Variants in CDH11 observed in about 807,000 individuals in gnomAD.
The protein encoded by CDH11 is cadherin-11.
Under a neutral mutation model 67.8 loss-of-function variants are expected in CDH11, and 11 were observed. The ratio of observed to expected loss-of-function variants is 0.16; its 90% CI spans 0.10 to 0.27. The LOEUF (loss-of-function observed/expected upper bound fraction) is 0.27, where lower values mean the gene tolerates loss of function less well. CDH11 is among the 10% of genes least tolerant of loss of function. The pLI is 1.00. For missense variants in CDH11, 847 were observed against 1,031.2 expected, an observed-to-expected ratio of 0.82 and a Z score of 2.45; for synonymous variants, 419 against 400.0, an observed-to-expected ratio of 1.05 and a Z score of -0.57.
chr16:64,973,677 C>T (rs920636782), intron 8 of CDH11, among the ~76,000 whole-genome samples: 1 of 152,026 alleles, frequency 6.6e-6, no homozygotes, highest in African/African-American at 2.4e-5. Flanking sequence ...GATGGTGGCA[C>T]ACACCTATAA....
chr16:65,030,374 T>G (rs541327476), intron 2 of CDH11, among the ~76,000 whole-genome samples: 1 of 152,364 alleles, frequency 6.6e-6, no homozygotes, highest in South Asian at 2.1e-4. Flanking sequence ...GCAACTCTAC[T>G]TGAAATGCAT....
intron 4 of CDH11, among the ~76,000 whole-genome samples, chr16:64,996,438 C>T (rs540084147): frequency 2.0e-5 from 3 of 148,258 alleles, no homozygotes; most frequent in Non-Finnish European, 4.4e-5. Flanking sequence ...TGCAGTGAGC[C>T]GAGATCGTGC....
intron 1 of CDH11, among the ~76,000 whole-genome samples, chr16:65,075,104 G>A (rs908280288): frequency 2.6e-5 from 4 of 152,314 alleles, no homozygotes; most frequent in East Asian, 1.9e-4. Flanking sequence ...ATGGCTGGTC[G>A]TCTGCTCATC....
At chr16:65,094,133 A>C (rs528844750) in intron 1 of CDH11, among the ~76,000 whole-genome samples, 1 of 152,338 alleles carries the variant, frequency 6.6e-6, no homozygotes. Context: ...GATTTAAACA[A>C]AGGGAAGTTT....
intron 2 of CDH11, 43 bp downstream of exon 2, chr16:65,053,761 C>G (rs1184124685): frequency 2.2e-6 from 1 of 453,934 alleles, no homozygotes; most frequent in Non-Finnish European, 4.4e-6. Flanking sequence ...TCTTGACATA[C>G]ATAGTAATAT....
chr16:65,098,997 C>T (rs2074945020), intron 1 of CDH11, among the ~76,000 whole-genome samples: 3 of 152,168 alleles, frequency 2.0e-5, no homozygotes, highest in Admixed American at 2.0e-4. Flanking sequence ...CCTGAAATTA[C>T]AGATGTGCTT....
chr16:65,009,956 C>T (rs143415839), intron 2 of CDH11, among the ~76,000 whole-genome samples: 1 of 152,232 alleles, frequency 6.6e-6, no homozygotes, highest in East Asian at 1.9e-4. Flanking sequence ...CTTTTGTCTC[C>T]GTTAAAGAAA....
Position 64,945,288 on chromosome 16 carries a change from A to C in CDH11, c.*2315T>G. The stretch of plus-strand genomic sequence containing the variant: ...TTCTACAAACAATAGAGGCTTAACG[A>C]AAAAATAAAAGGTAAAAAAAAAAAA... On this transcript the variant is annotated 3_prime_UTR_variant, in exon 13 of 13. Transcript: ENST00000268603. The C allele has an allele frequency of 1.9e-6, 1 of 534,034 alleles. No individual in the cohort carries two copies. The highest frequency in any genetic ancestry group is 2.4e-6 in the Non-Finnish European group (1 of 414,354). The allele number at this position is 534,034 out of a possible 1,614,324, so 33.1% of individuals were successfully genotyped here. A position where few individuals can be genotyped will look rare whatever the true frequency, so the allele number is the denominator to read the frequency against.
chr16:64,984,609 C>G (rs770165664), intron 7 of CDH11: 34 of 152,108 alleles, frequency 2.2e-4, no homozygotes, highest in Non-Finnish European at 4.3e-4. Context: ...AAAACCAAAA[C>G]AAACAATATT....
In CDH11 at chr16:65,051,622, G is replaced by A. The variant is rs116440545; in HGVS notation, c.-173+2182C>T. Reference sequence around the variant, plus strand: ...CAATTTGTAATTTCCATGTGTGGAAGGAGGAACCTGTAATCCCCAAGTGTG... The same window carrying A: ...CAATTTGTAATTTCCATGTGTGGAAAGAGGAACCTGTAATCCCCAAGTGTG... On this transcript the variant is annotated intron_variant, in intron 2 of 12. Transcript: ENST00000268603. 6.6e-3 allele frequency among the ~76,000 whole-genome samples: 999 copies of A among 152,292 alleles called. 12 individuals are homozygous for A. The highest frequency in any genetic ancestry group is 0.022 in the African/African-American group (929 of 41,558).
chr16:64,964,478 G>A (rs1400740152), intron 11 of CDH11, among the ~76,000 whole-genome samples: 1 of 152,172 alleles, frequency 6.6e-6, no homozygotes, highest in African/African-American at 2.4e-5. Context: ...AAGTGGGTGA[G>A]TCACTGAGTG....
At chr16:65,122,226 G>A (rs1968457371), upstream of CDH11, 2 of 504,304 alleles carry the variant, frequency 4.0e-6, no homozygotes, top group Non-Finnish European at 7.0e-6. Flanking sequence ...CAGCGAGATG[G>A]GCCTCGCAGA....
intron 1 of CDH11, among the ~76,000 whole-genome samples, chr16:65,090,122 C>T (rs1211574521): frequency 3.3e-5 from 5 of 151,960 alleles, no homozygotes; most frequent in African/African-American, 1.2e-4. Flanking sequence ...AGAACATATG[C>T]ACAATGCATT....
intron 2 of CDH11, among the ~76,000 whole-genome samples, chr16:65,034,465 C>T (rs2073712037): frequency 6.6e-6 from 1 of 152,140 alleles, no homozygotes; most frequent in Non-Finnish European, 1.5e-5. Flanking sequence ...TTATCCTGGC[C>T]ACAGGCCACA....
intron 2 of CDH11, among the ~76,000 whole-genome samples, chr16:65,019,883 C>T (rs1219201839): frequency 6.6e-6 from 1 of 151,860 alleles, no homozygotes; most frequent in Non-Finnish European, 1.5e-5. Context: ...TTCTTTAACC[C>T]TCTAAACTAG....
chr16:65,004,791 G>C lies in CDH11; in HGVS notation c.79C>G (p.Arg27Gly). Reference protein sequence around the residue: ...LCHSHAFAPERRGHLRPSFHG... With the variant: ...LCHSHAFAPEGRGHLRPSFHG... ...AAGGAGGGCCGCAGGTGCCCCCGCCGCTCTGGGGCAAAGGCATGGCTGTGG... is the reference window on the plus strand; with the variant it reads ...AAGGAGGGCCGCAGGTGCCCCCGCCCCTCTGGGGCAAAGGCATGGCTGTGG... Residue 27 changes from arginine to glycine, a missense_variant, in exon 3 of 13, where the codon CGG becomes GGG. Around this residue, in one of 2 missense-constraint regions of CDH11, gnomAD observed 235 missense variants for 352.5 expected, o/e 0.67. Transcript: ENST00000268603. 1 of 1,599,364 alleles carries C rather than the reference G, an allele frequency of 6.3e-7. No homozygotes were observed. The highest frequency in any genetic ancestry group is 8.5e-7 in the Non-Finnish European group (1 of 1,173,082).
chr16:65,081,500 C>T (rs1287956469), intron 1 of CDH11, among the ~76,000 whole-genome samples: 1 of 149,664 alleles, frequency 6.7e-6, no homozygotes, highest in Non-Finnish European at 1.5e-5. Context: ...ACCCGGGAGG[C>T]GGAGCTTGCA....
rs2072542136 is a variant in CDH11, at chr16:64,988,354, G to A, written c.812-10C>T. 2 of 1,591,604 alleles carry A rather than the reference G, an allele frequency of 1.3e-6. No homozygotes were observed. Among genetic ancestry groups the A allele is most frequent in the South Asian group, 1.2e-5 (1 of 86,862 alleles). On this transcript the variant is annotated splice_polypyrimidine_tract_variant and intron_variant, in intron 6 of 12. Coordinates refer to ENST00000268603, the MANE Select transcript of CDH11 (RefSeq NM_001797.4). ...GACATCTGGTATACGCCTAGAAGAA[G>A]AAGACATCTATTTTTATTTTCTCTT...
At chr16:65,070,017 C>T (rs1015939536) in intron 1 of CDH11, among the ~76,000 whole-genome samples, 1 of 152,138 alleles carries the variant, frequency 6.6e-6, no homozygotes, top group Non-Finnish European at 1.5e-5. Flanking sequence ...CCATCTGACT[C>T]AGAATAAATT....
Sources: gnomAD v4.1 joint callset for allele counts (sites outside exome capture counted in the v4.1 genomes callset) on GRCh38, gnomAD v4.1.1 for gene constraint, gnomAD v4.1.1 regional missense constraint, MANE v1.5 for transcripts, NCBI Gene and HGNC (gene_info 2026-07-23, HGNC 2026-07-21) for gene names.